Variants in FANCA observed in about 807,000 individuals in gnomAD.
FANCA encodes the protein Fanconi anemia group A protein.
In FANCA, 236 loss-of-function variants were observed where a neutral mutation model predicts 194.3. That is an observed-to-expected ratio of 1.21 (90% CI 1.09 to 1.35). The LOEUF (loss-of-function observed/expected upper bound fraction) is 1.35. FANCA is among the 40% of genes most tolerant of loss of function. The pLI is 0.00. For missense variants in FANCA, 2,628 were observed against 1,813.9 expected, an observed-to-expected ratio of 1.45 and a Z score of -8.15; for synonymous variants, 1,014 against 715.8, an observed-to-expected ratio of 1.42 and a Z score of -6.65.
chr16:89,798,094 T>C (rs534384750), intron 10 of FANCA, among the ~76,000 whole-genome samples: 72 of 152,204 alleles, frequency 4.7e-4, no homozygotes, highest in Admixed American at 1.4e-3. Context: ...AGGTGGGGTG[T>C]TGATAAGGCT....
chr16:89,782,043 C>T (rs1286987587), intron 17 of FANCA, among the ~76,000 whole-genome samples: 3 of 151,932 alleles, frequency 2.0e-5, no homozygotes, highest in African/African-American at 7.2e-5. Context: ...GTGACCCACA[C>T]ATATCACATG....
In FANCA at chr16:89,744,844, C is replaced by A; in HGVS notation, c.3626+115G>T. The A allele has an allele frequency of 4.2e-6, 4 of 952,278 alleles. No homozygotes were observed. The South Asian group carries it at 5.6e-5, about 13-fold the overall frequency. 59.0% of individuals were successfully genotyped at this position (952,278 alleles called of 1,614,324 possible). On this transcript the variant is annotated intron_variant, in intron 36 of 42. Coordinates refer to ENST00000389301, the MANE Select transcript of FANCA (RefSeq NM_000135.4). ...CTCGGTTCTTTTCTCCCTGCTCACA[C>A]GAGAGGCTGCCCACACCGCTTCTCT...
In FANCA at chr16:89,745,606, G is replaced by C. The variant is rs2038360128; in HGVS notation, c.3514-535C>G. Among the ~76,000 whole-genome samples, 2 of 79,632 alleles carry C rather than the reference G, an allele frequency of 2.5e-5. 1 individual carries two copies. Among genetic ancestry groups the C allele is most frequent in the Admixed American group, 2.6e-4 (2 of 7,788 alleles). The allele number at this position is 79,632 out of a possible 152,430, so 52.2% of individuals were successfully genotyped here. A position where few individuals can be genotyped will look rare whatever the true frequency, so the allele number is the denominator to read the frequency against. On this transcript the variant is annotated intron_variant, in intron 35 of 42. Transcript: ENST00000389301. ...AACAGTGAAGGGACCACACTGCCCT[G>C]AGCTGGGAACGAAACAGTGAAGGGA...
chr16:89,786,242 G>A (rs978374122), intron 14 of FANCA, among the ~76,000 whole-genome samples: 3 of 151,998 alleles, frequency 2.0e-5, no homozygotes, highest in Non-Finnish European at 4.4e-5. Flanking sequence ...GGAGCGCAGT[G>A]GCGTAATCTC....
intron 31 of FANCA, among the ~76,000 whole-genome samples, chr16:89,750,351 C>T (rs568040536): frequency 6.6e-5 from 10 of 152,186 alleles, no homozygotes; most frequent in African/African-American, 2.2e-4. Context: ...GGCATGGTGG[C>T]GGGTGCCTGT....
rs929925295 is a variant in FANCA, at chr16:89,815,921, G to C, written c.145C>G (p.Arg49Gly). ...AGGTCCTGATGGCTTCGCAGGAGGC[G>C]CACAGCTGATTCCTTTAATTTCTGT... is the stretch of plus-strand genomic sequence containing the variant. ...RAQKLKESAV[R>G]LLRSHQDLNA... is the part of the protein sequence containing the mutation. The change falls in exon 2 of 43, where the codon CGC becomes GGC. Residue 49 changes from arginine (R) to glycine (G), a missense_variant. Coordinates refer to ENST00000389301, the MANE Select transcript of FANCA (RefSeq NM_000135.4). 7 of 1,613,970 alleles carry C rather than the reference G, an allele frequency of 4.3e-6. No individual in the cohort carries two copies. The highest frequency in any genetic ancestry group is 1.6e-4 in the Middle Eastern group (1 of 6,084).
intron 14 of FANCA, among the ~76,000 whole-genome samples, chr16:89,790,372 T>C (rs2040027857): frequency 1.3e-5 from 2 of 149,972 alleles, no homozygotes; most frequent in African/African-American, 4.9e-5. Context: ...CCAGTATGAG[T>C]GATAGAATGA....
chr16:89,739,311 C>G lies in FANCA; in HGVS notation c.4011-22G>C, dbSNP rs74033848. 8.1e-4 allele frequency: 1,312 copies of G among 1,614,014 alleles called. 11 individuals carry two copies. The African/African-American group carries it at 0.016, about 20-fold the overall frequency. On this transcript the variant is annotated intron_variant, in intron 40 of 42. Coordinates refer to ENST00000389301, the MANE Select transcript of FANCA (RefSeq NM_000135.4). ...AAGACTAGAGGTAAAGACATAGTGA[C>G]AAATGGCTACAGACTGCTGGAAAGG... is the stretch of plus-strand genomic sequence containing the variant.
intron 23 of FANCA, among the ~76,000 whole-genome samples, chr16:89,771,155 C>CAAAAA (rs34471552): frequency 1.2e-4 from 7 of 56,644 alleles, no homozygotes; most frequent in Admixed American, 4.1e-4. Context: ...AAGACTCAGT[C>CAAAAA]AAAAAAAAAA....
chr16:89,762,654 A>C (rs899152230), intron 28 of FANCA: 3 of 307,872 alleles, frequency 9.7e-6, no homozygotes, highest in East Asian at 1.2e-4. Context: ...TTATTTTTGG[A>C]AACAGGTTCT....
chr16:89,757,976 C>G (rs3785280), intron 30 of FANCA, among the ~76,000 whole-genome samples: 64,909 of 151,980 alleles, frequency 0.43, 15,284 homozygotes, highest in East Asian at 0.76. Flanking sequence ...CTGCCTCAGC[C>G]TCCCAAGTAG....
At chr16:89,768,856 C>G (rs2039219464) in intron 26 of FANCA, among the ~76,000 whole-genome samples, 1 of 152,162 alleles carries the variant, frequency 6.6e-6, no homozygotes, top group Non-Finnish European at 1.5e-5. Context: ...ACCTGGATGC[C>G]TCCCTCCTCA....
rs2040417782 is a variant in FANCA, at chr16:89,800,743, G to A, written c.793-1105C>T. ...CCAACGGAACAGGATAGAGAACCCAGAAACAGGCCGGGAACTGTGGCCCAC... is the reference window on the plus strand; with the variant it reads ...CCAACGGAACAGGATAGAGAACCCAAAAACAGGCCGGGAACTGTGGCCCAC... On this transcript the variant is annotated intron_variant, in intron 8 of 42. Coordinates refer to ENST00000389301, the MANE Select transcript of FANCA (RefSeq NM_000135.4). 2.6e-5 allele frequency among the ~76,000 whole-genome samples: 4 copies of A among 152,112 alleles called. No individual in the cohort carries two copies. The South Asian group carries it at 8.3e-4, about 31-fold the overall frequency.
chr16:89,738,783 A>T (rs763083176), intron 42 of FANCA, 75 bp from the exon 43 acceptor site: 1 of 1,612,782 alleles, frequency 6.2e-7, no homozygotes, highest in Non-Finnish European at 8.5e-7. Context: ...CTCTGGCAGA[A>T]ATAGTCGAGT....
At chr16:89,769,801 G>C (rs1240914042) in intron 26 of FANCA, 36 bp downstream of exon 26, 2 of 1,610,144 alleles carry the variant, frequency 1.2e-6, no homozygotes, top group Non-Finnish European at 1.7e-6. Flanking sequence ...TTTCGAGAGA[G>C]AGGAGAGAAG....
intron 10 of FANCA, among the ~76,000 whole-genome samples, chr16:89,797,871 G>T (rs1291068702): frequency 1.3e-5 from 2 of 151,854 alleles, no homozygotes; most frequent in African/African-American, 4.8e-5. Context: ...CTCCAGCCTG[G>T]GCAACAAGAA....
In FANCA at chr16:89,738,367, G is replaced by A. The variant is rs1041759070; in HGVS notation, c.*234C>T. On this transcript the variant is annotated 3_prime_UTR_variant, in exon 43 of 43. Coordinates refer to ENST00000389301, the MANE Select transcript of FANCA (RefSeq NM_000135.4). Reference sequence around the variant, plus strand: ...GGTGCTGCCCGCCCTTGGTGCTGGAGGCGGGCTTGGTGTCCGGCTCAAGTA... The same window carrying A: ...GGTGCTGCCCGCCCTTGGTGCTGGAAGCGGGCTTGGTGTCCGGCTCAAGTA... 6.9e-7 allele frequency: 1 copy of A among 1,455,954 alleles called. No individual in the cohort carries two copies. The highest frequency in any genetic ancestry group is 9.1e-7 in the Non-Finnish European group (1 of 1,093,772). The allele number at this position is 1,455,954 out of a possible 1,614,324, so 90.2% of individuals were successfully genotyped here.
chr16:89,773,237 A>G (rs1176153554), intron 22 of FANCA, 34 bp downstream of exon 22: 2 of 1,493,406 alleles, frequency 1.3e-6, no homozygotes, highest in Non-Finnish European at 1.8e-6. Context: ...GGCTGCACAC[A>G]TGAGACACAG....
intron 10 of FANCA, among the ~76,000 whole-genome samples, chr16:89,797,363 G>T (rs545797926): frequency 2.0e-5 from 3 of 152,054 alleles, no homozygotes; most frequent in African/African-American, 7.2e-5. Flanking sequence ...AGAAAATCAA[G>T]GGTCCTGGCG....
Sources: gnomAD v4.1 joint callset for allele counts (sites outside exome capture counted in the v4.1 genomes callset) on GRCh38, gnomAD v4.1.1 for gene constraint, MANE v1.5 for transcripts, NCBI Gene and HGNC (gene_info 2026-07-23, HGNC 2026-07-21) for gene names.